Variants in ZIM2 observed in about 807,000 individuals in gnomAD.
ZIM2 encodes zinc finger protein 656.
A neutral mutation model predicts 38.6 loss-of-function variants in ZIM2; 14 were observed. That is an observed-to-expected ratio of 0.36 (90% CI 0.24 to 0.57). ZIM2 has a LOEUF of 0.57. Among genes scored for constraint, ZIM2 ranks in the 20% least tolerant of loss-of-function variants. The pLI is 0.81. For synonymous variants in ZIM2, 247 were observed against 245.8 expected (o/e 1.00, Z -0.04); for missense variants, 680 against 695.1 (o/e 0.98, Z 0.24).
At position 56,775,424 on chromosome 19, in the gene ZIM2, T is replaced by C. The variant is rs1458115530; in HGVS notation, c.941A>G (p.Tyr314Cys). The C allele has an allele frequency of 6.8e-6, 11 of 1,614,140 alleles. No homozygotes were observed. The highest frequency in any genetic ancestry group is 1.7e-5 in the Admixed American group (1 of 60,014). ...GCTTCTCTCAAATTCATCACTGCCA[T>C]AGCTTCTTTCCGGAGTGAGGGTCTT... is the stretch of plus-strand genomic sequence containing the variant. ...DPKTLTPERS[Y>C]GSDEFERSSN... is the part of the protein sequence containing the mutation. Residue 314 changes from tyrosine to cysteine, a missense_variant, in exon 13 of 13, where the codon TAT becomes TGT. Coordinates refer to ENST00000629319, the MANE Select transcript of ZIM2 (RefSeq NM_001387356.1).
chr19:56,827,086 T>A (rs1251657750), intron 2 of ZIM2, among the ~76,000 whole-genome samples: 1 of 152,102 alleles, frequency 6.6e-6, no homozygotes, highest in Non-Finnish European at 1.5e-5. Flanking sequence ...GCTGAAATAA[T>A]GTAAAGAGCA....
chr19:56,827,172 G>A (rs1807714706), intron 2 of ZIM2, among the ~76,000 whole-genome samples: 1 of 152,158 alleles, frequency 6.6e-6, no homozygotes, highest in South Asian at 2.1e-4. Context: ...GAAAAGAGAT[G>A]GAGGACTTCC....
chr19:56,776,742 C>T (rs11881826), intron 12 of ZIM2, among the ~76,000 whole-genome samples: 2,424 of 152,096 alleles, frequency 0.016, 57 homozygotes, highest in African/African-American at 0.055. Context: ...CTGTAAGTGA[C>T]GACAGGAGCA....
chr19:56,807,655 G>T (rs1434207232), intron 9 of ZIM2, among the ~76,000 whole-genome samples: 3 of 152,102 alleles, frequency 2.0e-5, no homozygotes, highest in Non-Finnish European at 2.9e-5. Flanking sequence ...GCTGGGTGTG[G>T]TGGCACCTGC....
In ZIM2 at chr19:56,788,737, G is replaced by A. The variant is rs933851150; in HGVS notation, c.570+1135C>T. On this transcript the variant is annotated intron_variant, in intron 10 of 12. Transcript: ENST00000629319. ...AAGTTCTCCTGGATAATATCCTGAA[G>A]AGTGTTTTCCAACTTGTTTTATTCT... Among the ~76,000 whole-genome samples, 5 of 152,248 alleles carry A rather than the reference G, an allele frequency of 3.3e-5. No individual in the cohort carries two copies. In the East Asian group the frequency reaches 7.7e-4, roughly 24 times the overall value.
In ZIM2 at chr19:56,775,502, G is replaced by C; in HGVS notation, c.863C>G (p.Pro288Arg). The C allele has an allele frequency of 6.2e-7, 1 of 1,612,570 alleles. No homozygotes were observed. Among genetic ancestry groups the C allele is most frequent in the Non-Finnish European group, 8.5e-7 (1 of 1,179,484 alleles). ...QGESHDDPLEPHQGNQEKLLT... is the reference protein window; with the variant it reads ...QGESHDDPLERHQGNQEKLLT... ...AAGTTTCTCTTGGTTGCCCTGGTGT[G>C]GTTCCAATGGATCATCATGAGACTC... The change falls in exon 13 of 13, where the codon CCA (proline) becomes CGA (arginine). Residue 288 changes from proline to arginine, a missense_variant. By Grantham distance (103) the Pro-to-Arg change is moderately radical. Coordinates refer to ENST00000629319, the MANE Select transcript of ZIM2 (RefSeq NM_001387356.1).
At chr19:56,795,465 C>T (rs1466135084) in intron 9 of ZIM2, among the ~76,000 whole-genome samples, 1 of 152,246 alleles carries the variant, frequency 6.6e-6, no homozygotes. Context: ...AGCGAACTTA[C>T]CTCGCACGCC....
Position 56,823,638 on chromosome 19 carries a change from G to T in ZIM2, c.58C>A (p.Arg20=). 6.2e-7 allele frequency: 1 copy of T among 1,614,076 alleles called. No individual in the cohort carries two copies. Among genetic ancestry groups the T allele is most frequent in the Non-Finnish European group, 8.5e-7 (1 of 1,179,994 alleles). The change falls in exon 5 of 13, where the codon CGG becomes AGG. Residue 20 remains arginine (R), a synonymous_variant. Coordinates refer to ENST00000629319, the MANE Select transcript of ZIM2 (RefSeq NM_001387356.1). Reference sequence around the variant, plus strand: ...GGTGGTGAGGACTCTCTTCTGTTCCGGGTCATGTCGTCGTCGCTGGTCACG... The same window carrying T: ...GGTGGTGAGGACTCTCTTCTGTTCCTGGTCATGTCGTCGTCGCTGGTCACG... The part of the protein sequence containing the change: ...SDVTSDDDMT[R]NRRESSPPHS...
chr19:56,834,817 T>C (rs2061922991), intron 2 of ZIM2, among the ~76,000 whole-genome samples: 1 of 152,154 alleles, frequency 6.6e-6, no homozygotes, highest in Non-Finnish European at 1.5e-5. Context: ...AACACATTCT[T>C]ACTCTTCTTG....
chr19:56,831,284 T>C (rs1206066180), intron 2 of ZIM2, among the ~76,000 whole-genome samples: 1 of 152,138 alleles, frequency 6.6e-6, no homozygotes, highest in African/African-American at 2.4e-5. Context: ...TATAGACACA[T>C]GGGGACTTAA....
At chr19:56,830,852 G>A (rs1041569384) in intron 2 of ZIM2, among the ~76,000 whole-genome samples, 2 of 152,094 alleles carry the variant, frequency 1.3e-5, no homozygotes, top group Non-Finnish European at 2.9e-5. Context: ...GGGGGGCCCT[G>A]GGAGGTGGAG....
chr19:56,806,761 G>T (rs1324970565), intron 9 of ZIM2, among the ~76,000 whole-genome samples: 1 of 152,154 alleles, frequency 6.6e-6, no homozygotes, highest in Non-Finnish European at 1.5e-5. Context: ...TGAGGGCTAA[G>T]CCCTCATGAA....
At chr19:56,839,839 C>A (rs1209179923) in intron 1 of ZIM2, among the ~76,000 whole-genome samples, 1 of 149,926 alleles carries the variant, frequency 6.7e-6, no homozygotes, top group Non-Finnish European at 1.5e-5. Context: ...CTTGAGCAGA[C>A]GATTACGTCC....
At chr19:56,815,765 C>T (rs752187282) in intron 9 of ZIM2, 2 of 1,613,740 alleles carry the variant, frequency 1.2e-6, no homozygotes, top group South Asian at 2.2e-5. Flanking sequence ...ATGACAGAGT[C>T]TTCATAGTTG....
intron 12 of ZIM2, among the ~76,000 whole-genome samples, chr19:56,776,272 A>C (rs1451765478): frequency 6.6e-6 from 1 of 152,176 alleles, no homozygotes; most frequent in Non-Finnish European, 1.5e-5. Context: ...AGCATTTTCC[A>C]AACCATGTTT....
In ZIM2 at chr19:56,838,822, G is replaced by C. The variant is rs56976400; in HGVS notation, c.-314+1760C>G. On this transcript the variant is annotated intron_variant, in intron 1 of 12. Transcript: ENST00000629319. Reference sequence around the variant, plus strand: ...CTCCACAGCTTTCCATCACCGCAAGGCAGGCAAGCACAGCAACCGTGGCCC... The same window carrying C: ...CTCCACAGCTTTCCATCACCGCAAGCCAGGCAAGCACAGCAACCGTGGCCC... Among the ~76,000 whole-genome samples the C allele has an allele frequency of 8.0e-3, 1,215 of 152,300 alleles. 26 individuals carry two copies. The highest frequency in any genetic ancestry group is 0.028 in the African/African-American group (1,174 of 41,582).
chr19:56,837,171 T>C (rs960106229), intron 1 of ZIM2, among the ~76,000 whole-genome samples: 1 of 152,006 alleles, frequency 6.6e-6, no homozygotes, highest in African/African-American at 2.4e-5. Flanking sequence ...CGAACTAAGC[T>C]TTGGAAGCTG....
At chr19:56,783,374 T>C (rs1464666851) in intron 10 of ZIM2, among the ~76,000 whole-genome samples, 1 of 152,172 alleles carries the variant, frequency 6.6e-6, no homozygotes, top group Non-Finnish European at 1.5e-5. Flanking sequence ...ATCACAGCAC[T>C]GTTCACAGAA....
chr19:56,783,052 A>C (rs1195766382), intron 10 of ZIM2, among the ~76,000 whole-genome samples: 1 of 151,858 alleles, frequency 6.6e-6, no homozygotes. Context: ...CCACCCTTCT[A>C]ATCTCTATTT....
Sources: gnomAD v4.1 joint callset for allele counts (sites outside exome capture counted in the v4.1 genomes callset) on GRCh38, gnomAD v4.1.1 for gene constraint, MANE v1.5 for transcripts, NCBI Gene and HGNC (gene_info 2026-07-23, HGNC 2026-07-21) for gene names.